MACROD2: variants seen among roughly 807,000 people sequenced by gnomAD.
MACROD2 encodes mono-ADP ribosylhydrolase 2, also known as ADP-ribose glycohydrolase MACROD2.
MACROD2 carries 36 observed loss-of-function variants against 70.4 expected under a neutral mutation model. That is an observed-to-expected ratio of 0.51 (90% confidence interval 0.39 to 0.68). The LOEUF (loss-of-function observed/expected upper bound fraction) is 0.68. MACROD2 is among the 30% of genes least tolerant of loss of function. The pLI is 0.00. For synonymous variants in MACROD2, 172 were observed against 178.8 expected, an observed-to-expected ratio of 0.96 and a Z score of 0.30; for missense variants, 496 against 538.4, an observed-to-expected ratio of 0.92 and a Z score of 0.78.
At chr20:14,032,751 C>G (rs2053260440) in intron 2 of MACROD2, among the ~76,000 whole-genome samples, 2 of 152,134 alleles carry the variant, frequency 1.3e-5, no homozygotes, top group African/African-American at 4.8e-5. Flanking sequence ...AGGCTAAATT[C>G]TAGCTCTGCC....
intron 6 of MACROD2, among the ~76,000 whole-genome samples, chr20:15,282,098 C>A (rs1254230376): frequency 1.3e-5 from 2 of 152,190 alleles, no homozygotes; most frequent in Non-Finnish European, 2.9e-5. Flanking sequence ...GGCTGGGACT[C>A]AAGGCACCAA....
At chr20:14,017,208 G>C (rs747022013) in intron 2 of MACROD2, among the ~76,000 whole-genome samples, 2 of 152,066 alleles carry the variant, frequency 1.3e-5, no homozygotes, top group Non-Finnish European at 2.9e-5. Context: ...CTGCAGCTTT[G>C]ATGTATTCAA....
intron 3 of MACROD2, among the ~76,000 whole-genome samples, chr20:14,391,833 G>A (rs538715561): frequency 1.4e-5 from 2 of 145,510 alleles, no homozygotes; most frequent in South Asian, 4.7e-4. Flanking sequence ...GGGAAAGGAG[G>A]GAGGTGGACA....
At chr20:15,804,862 C>G (rs1216371299) in intron 8 of MACROD2, among the ~76,000 whole-genome samples, 1 of 152,172 alleles carries the variant, frequency 6.6e-6, no homozygotes, top group Non-Finnish European at 1.5e-5. Flanking sequence ...CTCCCACCTT[C>G]CCATGAGTGG....
chr20:15,636,767 G>A (rs190732758), intron 8 of MACROD2, among the ~76,000 whole-genome samples: 29 of 152,172 alleles, frequency 1.9e-4, no homozygotes, highest in Non-Finnish European at 3.4e-4. Context: ...AAGACTCAAC[G>A]CCGGGGTCCT....
At chr20:15,755,917 G>GA (rs1294534293) in intron 8 of MACROD2, among the ~76,000 whole-genome samples, 2 of 152,122 alleles carry the variant, frequency 1.3e-5, no homozygotes, top group Non-Finnish European at 2.9e-5. Context: ...TAGGTACCAG[G>GA]AAAAAATAAA....
chr20:14,938,787 A>ACAAAT (rs1458258558), intron 5 of MACROD2, among the ~76,000 whole-genome samples: 1 of 151,966 alleles, frequency 6.6e-6, no homozygotes, highest in African/African-American at 2.4e-5. Context: ...ACAAAACAAA[A>ACAAAT]CAAAACCTAA....
chr20:15,490,803 A>T (rs1215873633), intron 7 of MACROD2, among the ~76,000 whole-genome samples: 6 of 152,208 alleles, frequency 3.9e-5, no homozygotes, highest in African/African-American at 1.2e-4. Flanking sequence ...AATGAGAAAC[A>T]TATGGCTACT....
intron 3 of MACROD2, among the ~76,000 whole-genome samples, chr20:14,465,658 G>T (rs1009933968): frequency 3.3e-5 from 5 of 152,122 alleles, no homozygotes; most frequent in Admixed American, 6.5e-5. Flanking sequence ...GCATGTTTTT[G>T]CAGTGCCTGG....
chr20:14,036,261 C>G (rs1009129478), intron 2 of MACROD2, among the ~76,000 whole-genome samples: 1 of 152,182 alleles, frequency 6.6e-6, no homozygotes, highest in Non-Finnish European at 1.5e-5. Flanking sequence ...GTGAGATTTA[C>G]TGAAACTAAC....
At chr20:15,815,940 G>T (rs80256163) in intron 8 of MACROD2, among the ~76,000 whole-genome samples, 1,941 of 152,082 alleles carry the variant, frequency 0.013, 51 homozygotes, top group African/African-American at 0.045. Flanking sequence ...AATATCTGAG[G>T]AGTTATTAAT....
At chr20:15,741,953 C>G (rs2051112303) in intron 8 of MACROD2, among the ~76,000 whole-genome samples, 1 of 152,042 alleles carries the variant, frequency 6.6e-6, no homozygotes, top group South Asian at 2.1e-4. Flanking sequence ...ATTGATTTTG[C>G]CTTGAGCCCT....
intron 8 of MACROD2, among the ~76,000 whole-genome samples, chr20:15,541,423 T>A (rs2047954084): frequency 6.6e-6 from 1 of 152,206 alleles, no homozygotes; most frequent in Non-Finnish European, 1.5e-5. Context: ...TCTTCCCAGA[T>A]GAATTTCAAC....
At chr20:14,810,056 GA>G (rs2072690408) in intron 5 of MACROD2, among the ~76,000 whole-genome samples, 1 of 152,026 alleles carries the variant, frequency 6.6e-6, no homozygotes, top group African/African-American at 2.4e-5. Flanking sequence ...CCAAACAATA[GA>G]AAAAGAAAGT....
chr20:16,024,194 G>T (rs912797756), intron 15 of MACROD2, among the ~76,000 whole-genome samples: 2 of 152,154 alleles, frequency 1.3e-5, no homozygotes, highest in African/African-American at 2.4e-5. Context: ...TCATACAAGT[G>T]TGGTTCATAG....
chr20:15,718,018 C>CTTTTT (rs11087142), intron 8 of MACROD2, among the ~76,000 whole-genome samples: 7 of 140,422 alleles, frequency 5.0e-5, no homozygotes, highest in Admixed American at 1.4e-4. Context: ...TGTTTTCTCT[C>CTTTTT]TTTTTTTTTT....
intron 8 of MACROD2, among the ~76,000 whole-genome samples, chr20:15,514,642 T>C (rs1224427701): frequency 6.6e-6 from 1 of 152,230 alleles, no homozygotes; most frequent in Non-Finnish European, 1.5e-5. Context: ...AGGTGATACA[T>C]AACCATATAT....
At position 15,120,506 on chromosome 20, in the gene MACROD2, A is replaced by G. The variant is rs2076022621; in HGVS notation, c.419-109434A>G. Among the ~76,000 whole-genome samples the G allele has an allele frequency of 2.0e-5, 3 of 152,310 alleles. No individual in the cohort carries two copies. The South Asian group carries it at 6.2e-4, about 32-fold the overall frequency. On this transcript the variant is annotated intron_variant, in intron 5 of 17. Transcript: ENST00000684519. ...CAGCACTCTACATGCAGCCATCATG[A>G]ATTATCTTGTGTGATGTGCAATATT...
chr20:14,986,774 A>T (rs535420438), intron 5 of MACROD2, among the ~76,000 whole-genome samples: 1 of 152,174 alleles, frequency 6.6e-6, no homozygotes, highest in Non-Finnish European at 1.5e-5. Flanking sequence ...TCTCTGCCGG[A>T]TGTTTCAGGT....
Sources: allele counts gnomAD v4.1 joint callset (sites outside exome capture counted in the v4.1 genomes callset), GRCh38; gene constraint gnomAD v4.1.1; transcripts MANE v1.5; gene names NCBI Gene and HGNC (gene_info 2026-07-23, HGNC 2026-07-21).